The following BMERB1 variants were observed in gnomAD, a reference collection of about 807,000 sequenced individuals.
BMERB1 encodes bMERB domain-containing protein 1.
In BMERB1, 12 loss-of-function variants were observed where a neutral mutation model predicts 23.6. The observed-to-expected ratio is 0.51, with a 90% confidence interval of 0.33 to 0.82. The LOEUF (loss-of-function observed/expected upper bound fraction) is 0.82. Ranked by LOEUF, BMERB1 falls within the 40% of genes least tolerant of loss-of-function variation. The probability of loss-of-function intolerance (pLI) is 0.03; values close to 1 mark genes in which losing one functional copy is unlikely to be tolerated. For missense variants in BMERB1, 247 were observed against 255.4 expected, an observed-to-expected ratio of 0.97 and a Z score of 0.22; for synonymous variants, 122 against 96.6, an observed-to-expected ratio of 1.26 and a Z score of -1.54.
At chr16:15,434,956 G>C (rs918156487) in intron 1 of BMERB1, among the ~76,000 whole-genome samples, 197 bp downstream of exon 1, 20 of 152,264 alleles carry the variant, frequency 1.3e-4, no homozygotes, top group African/African-American at 4.8e-4. Flanking sequence ...GGACCCTCCG[G>C]GCTGAGCCTC....
rs79630751 is a variant in BMERB1 at position 15,545,284 on chromosome 16, A to C, written c.231-22699A>C. On this transcript the variant is annotated intron_variant, in intron 2 of 5. Transcript: ENST00000300006. ...CACCACACCTGGCCCCAAATTTTCTAATAAGTGCTTTCTAACACCCTCTTA... is the reference window on the plus strand; with the variant it reads ...CACCACACCTGGCCCCAAATTTTCTCATAAGTGCTTTCTAACACCCTCTTA... Among the ~76,000 whole-genome samples, 892 of 152,072 alleles carry C rather than the reference A, an allele frequency of 5.9e-3. 11 individuals carry two copies. The highest frequency in any genetic ancestry group is 0.021 in the African/African-American group (855 of 41,508).
At chr16:15,576,346 C>T (rs1024653636) in intron 3 of BMERB1, among the ~76,000 whole-genome samples, 2 of 152,062 alleles carry the variant, frequency 1.3e-5, no homozygotes, top group Admixed American at 6.6e-5. Context: ...CGCGCCTAGC[C>T]GAGCATTGGC....
At chr16:15,471,839 A>G (rs1368771307) in intron 1 of BMERB1, among the ~76,000 whole-genome samples, 2 of 152,164 alleles carry the variant, frequency 1.3e-5, no homozygotes, top group South Asian at 2.1e-4. Flanking sequence ...CAGCCTCCCA[A>G]AGTGCTAGGA....
intron 2 of BMERB1, among the ~76,000 whole-genome samples, chr16:15,520,512 C>A (rs1004643235): frequency 6.5e-5 from 9 of 139,292 alleles, no homozygotes; most frequent in Non-Finnish European, 1.4e-4. Flanking sequence ...ACAAGAGTCT[C>A]GATCTGCCAC....
intron 3 of BMERB1, among the ~76,000 whole-genome samples, chr16:15,577,819 A>G (rs1246899495): frequency 1.3e-5 from 2 of 152,224 alleles, no homozygotes; most frequent in African/African-American, 4.8e-5. Context: ...TTCCCTCACC[A>G]GTTGAGTGTT....
intron 2 of BMERB1, among the ~76,000 whole-genome samples, chr16:15,558,010 CT>C (rs2150968572): frequency 6.6e-6 from 1 of 152,124 alleles, no homozygotes; most frequent in South Asian, 2.1e-4. Flanking sequence ...TGCCACTGCA[CT>C]CCAGCCTGGG....
chr16:15,554,674 C>A (rs199739514), intron 2 of BMERB1, among the ~76,000 whole-genome samples: 3 of 111,364 alleles, frequency 2.7e-5, no homozygotes, highest in Admixed American at 8.8e-5. Flanking sequence ...TTTTTTTTTT[C>A]TTTTTTTTTT....
chr16:15,529,223 T>C (rs2051943698), intron 2 of BMERB1, among the ~76,000 whole-genome samples: 1 of 152,044 alleles, frequency 6.6e-6, no homozygotes, highest in Non-Finnish European at 1.5e-5. Context: ...AGACAGGGTT[T>C]CACCGTGTTA....
At chr16:15,571,252 G>C (rs942697422) in intron 3 of BMERB1, among the ~76,000 whole-genome samples, 2 of 152,178 alleles carry the variant, frequency 1.3e-5, no homozygotes, top group Non-Finnish European at 1.5e-5. Context: ...GAGGTCAGGG[G>C]GGTGTGCAAC....
At chr16:15,491,301 C>G (rs1339770876) in intron 1 of BMERB1, among the ~76,000 whole-genome samples, 1 of 152,164 alleles carries the variant, frequency 6.6e-6, no homozygotes, top group Non-Finnish European at 1.5e-5. Flanking sequence ...TATTTCTATA[C>G]TTGCTCCCTT....
rs148951124 is a variant in BMERB1 at position 15,499,101 on chromosome 16, A to G, written c.107-16204A>G. On this transcript the variant is annotated intron_variant, in intron 1 of 5. Coordinates refer to ENST00000300006, the MANE Select transcript of BMERB1 (RefSeq NM_033201.3). The stretch of plus-strand genomic sequence containing the variant: ...GTCTCAAGTGTTGGGTCCTCCCAGG[A>G]TTCCTCCCCAAATGGGCTATCTTAG... 3.4e-3 allele frequency among the ~76,000 whole-genome samples: 512 copies of G among 152,298 alleles called. 2 individuals are homozygous for G. Among genetic ancestry groups the G allele is most frequent in the African/African-American group, 0.01 (417 of 41,572 alleles).
At chr16:15,470,450 A>T (rs2051218746) in intron 1 of BMERB1, among the ~76,000 whole-genome samples, 1 of 151,818 alleles carries the variant, frequency 6.6e-6, no homozygotes, top group African/African-American at 2.4e-5. Flanking sequence ...CCTTTGTTGT[A>T]CTGTCTCTCT....
intron 1 of BMERB1, among the ~76,000 whole-genome samples, chr16:15,489,169 G>C (rs2051394532): frequency 6.6e-6 from 1 of 152,142 alleles, no homozygotes. Flanking sequence ...GCCACACCTG[G>C]GTAGGGTAAG....
chr16:15,479,026 A>G (rs750356153), intron 1 of BMERB1, among the ~76,000 whole-genome samples: 116 of 152,226 alleles, frequency 7.6e-4, no homozygotes, highest in Non-Finnish European at 1.5e-3. Context: ...CATCATTGAA[A>G]GAAATACTGA....
At chr16:15,443,200 A>G (rs2034640418) in intron 1 of BMERB1, among the ~76,000 whole-genome samples, 1 of 151,628 alleles carries the variant, frequency 6.6e-6, no homozygotes, top group South Asian at 2.1e-4. Context: ...GTGAGCTGAG[A>G]TTGCACCACT....
intron 1 of BMERB1, among the ~76,000 whole-genome samples, chr16:15,486,620 C>A (rs1052754828): frequency 6.6e-6 from 1 of 151,938 alleles, no homozygotes; most frequent in Non-Finnish European, 1.5e-5. Flanking sequence ...TCAACATGAT[C>A]GTGTTAGTGG....
intron 1 of BMERB1, among the ~76,000 whole-genome samples, chr16:15,462,929 G>C (rs992075436): frequency 2.1e-4 from 32 of 152,164 alleles, no homozygotes; most frequent in Admixed American, 2.6e-4. Context: ...CTTCAACAAT[G>C]CAGAGTCCTC....
At chr16:15,445,297 C>G (rs1387624910) in intron 1 of BMERB1, among the ~76,000 whole-genome samples, 1 of 152,128 alleles carries the variant, frequency 6.6e-6, no homozygotes, top group African/African-American at 2.4e-5. Flanking sequence ...GGAAATCATT[C>G]AATACAGAGG....
At position 15,515,316 on chromosome 16, in the gene BMERB1, A is replaced by G. The variant is rs759425444; in HGVS notation, c.118A>G (p.Ile40Val). The G allele has an allele frequency of 1.2e-5, 19 of 1,613,600 alleles. No homozygotes were observed. The South Asian group carries it at 1.5e-4, about 13-fold the overall frequency. The change falls in exon 2 of 6, where the codon ATC (isoleucine) becomes GTC (valine). Residue 40 changes from isoleucine to valine, a missense_variant. Ile to Val is a conservative substitution (Grantham distance 29). Transcript: ENST00000300006. ...TERLGRNQLD[I>V]ISMAETTMMP... is the part of the protein sequence containing the mutation. Reference sequence around the variant, plus strand: ...TGTCTCCTGCACAGATCAGCTGGACATCATCTCCATGGCGGAGACAACCAT... The same window carrying G: ...TGTCTCCTGCACAGATCAGCTGGACGTCATCTCCATGGCGGAGACAACCAT...
Sources: gnomAD v4.1 joint callset for allele counts (sites outside exome capture counted in the v4.1 genomes callset) on GRCh38, gnomAD v4.1.1 for gene constraint, MANE v1.5 for transcripts, NCBI Gene and HGNC (gene_info 2026-07-23, HGNC 2026-07-21) for gene names.